Variants in ZNF658 observed in about 807,000 individuals in gnomAD.
The protein encoded by ZNF658 is zinc finger protein 658.
In ZNF658, 46 loss-of-function variants were observed where a neutral mutation model predicts 78.0. That is an observed-to-expected ratio of 0.59 (90% CI 0.47 to 0.75). ZNF658 has a LOEUF of 0.75. Among genes scored for constraint, ZNF658 ranks in the 30% least tolerant of loss-of-function variants. The pLI, the probability that ZNF658 is intolerant of heterozygous loss-of-function variation, is 0.00. For missense variants in ZNF658, 785 were observed against 1,189.3 expected, an observed-to-expected ratio of 0.66 and a Z score of 5.00; for synonymous variants, 279 against 408.4, an observed-to-expected ratio of 0.68 and a Z score of 3.82.
chr9:66,902,742 T>G (rs1296593873), intron 1 of ZNF658, among the ~76,000 whole-genome samples: 1 of 152,094 alleles, frequency 6.6e-6, no homozygotes, highest in Non-Finnish European at 1.5e-5. Context: ...CCCAAAAATA[T>G]TGGGCCTGAA....
chr9:66,904,780 G>C (rs1587354149), intron 2 of ZNF658, among the ~76,000 whole-genome samples: 1 of 151,942 alleles, frequency 6.6e-6, no homozygotes, highest in Non-Finnish European at 1.5e-5. Context: ...ATTTCTTATA[G>C]GCAGTCTTGC....
intron 3 of ZNF658, 52 bp downstream of exon 3, chr9:66,908,416 A>G (rs1822132255): frequency 6.2e-7 from 1 of 1,612,314 alleles, no homozygotes; most frequent in Admixed American, 1.7e-5. Context: ...CCCTTTTTAA[A>G]AAGTATCAAA....
At chr9:66,910,793 C>A (rs1822197712) in intron 4 of ZNF658, among the ~76,000 whole-genome samples, 1 of 90,102 alleles carries the variant, frequency 1.1e-5, no homozygotes, top group Non-Finnish European at 2.2e-5. Flanking sequence ...GAGACTCAGT[C>A]CCAAAAAATT....
chr9:66,911,379 CA>C (rs1488036526), intron 4 of ZNF658, among the ~76,000 whole-genome samples: 1 of 72,466 alleles, frequency 1.4e-5, no homozygotes, highest in African/African-American at 7.6e-5. Flanking sequence ...AAACAATATA[CA>C]AAAAAGTGTA....
chr9:66,918,775 G>C lies in ZNF658; in HGVS notation c.1209G>C (p.Gln403His), dbSNP rs1311758780. The change falls in exon 5 of 5, where the codon CAG becomes CAC. Residue 403 changes from glutamine (Q) to histidine (H), a missense_variant. By Grantham distance (24) the Gln-to-His change is conservative (BLOSUM62 0). This residue lies in a region of ZNF658 where 393 missense variants were observed against 400.2 expected (regional missense o/e 0.98). Transcript: ENST00000621410. Reference protein sequence around the residue: ...FYRKAHLIQHQRPHSGEKTYQ... With the variant: ...FYRKAHLIQHHRPHSGEKTYQ... The stretch of plus-strand genomic sequence containing the variant: ...GGAAAGCACACCTCATTCAGCATCA[G>C]AGGCCCCACTCAGGAGAGAAAACTT... 3.7e-6 allele frequency: 6 copies of C among 1,613,804 alleles called. No homozygotes were observed. The highest frequency in any genetic ancestry group is 4.2e-6 in the Non-Finnish European group (5 of 1,179,872).
intron 4 of ZNF658, among the ~76,000 whole-genome samples, chr9:66,909,608 G>C (rs939719657): frequency 2.6e-4 from 39 of 151,862 alleles, no homozygotes; most frequent in African/African-American, 7.0e-4. Flanking sequence ...GGGTCATATG[G>C]TATCTGTGTC....
intron 6 of ZNF658, among the ~76,000 whole-genome samples, chr9:66,929,192 T>C (rs1227146347): frequency 1.4e-5 from 2 of 145,586 alleles, no homozygotes; most frequent in South Asian, 2.3e-4. Flanking sequence ...TGCAACTGCA[T>C]TGCCCTTCCC....
In ZNF658 at chr9:66,908,254, A is replaced by T. The variant is rs1564170145; in HGVS notation, c.32A>T (p.Gln11Leu). 1.2e-6 allele frequency: 2 copies of T among 1,614,104 alleles called. No individual in the cohort carries two copies. The highest frequency in any genetic ancestry group is 1.7e-6 in the Non-Finnish European group (2 of 1,179,980). MNMSQASVSF[Q>L]DVTVEFTREE... is the part of the protein sequence containing the mutation. ...TTGTTACAGGCATCAGTGTCATTCCAGGACGTGACTGTGGAATTCACCCGG... is the reference window on the plus strand; with the variant it reads ...TTGTTACAGGCATCAGTGTCATTCCTGGACGTGACTGTGGAATTCACCCGG... Residue 11 changes from glutamine to leucine, a missense_variant, in exon 3 of 5, where the codon CAG (glutamine) becomes CTG (leucine). This residue lies in a region of ZNF658 where 79 missense variants were observed against 96.5 expected (regional missense o/e 0.82). Transcript: ENST00000621410.
intron 3 of ZNF658, 57 bp downstream of exon 3, chr9:66,908,421 A>T (rs1048659322): frequency 1.7e-5 from 27 of 1,611,668 alleles, no homozygotes; most frequent in Non-Finnish European, 2.1e-5. Context: ...TTTAAAAAGT[A>T]TCAAAACACA....
At chr9:66,915,183 G>T (rs1176775852) in intron 4 of ZNF658, among the ~76,000 whole-genome samples, 1 of 151,854 alleles carries the variant, frequency 6.6e-6, no homozygotes, top group Non-Finnish European at 1.5e-5. Context: ...TAGACATTCA[G>T]TTAACATATC....
Position 66,917,910 on chromosome 9 carries a change from G to A in ZNF658, c.344G>A (p.Gly115Glu). 1 of 1,609,648 alleles carries A rather than the reference G, an allele frequency of 6.2e-7. No individual in the cohort carries two copies. The highest frequency in any genetic ancestry group is 8.5e-7 in the Non-Finnish European group (1 of 1,179,332). The change falls in exon 5 of 5, where the codon GGA (glycine) becomes GAA (glutamate). Residue 115 changes from glycine to glutamate, a missense_variant. By Grantham distance (98) the Gly-to-Glu change is moderately conservative. Transcript: ENST00000621410. ...SDADKTLSKE[G>E]QKVLEKPFNL... ...GCTGACAAAACATTGAGTAAAGAAG[G>A]ACAGAAAGTTTTAGAAAAACCATTT... is the stretch of plus-strand genomic sequence containing the variant.
chr9:66,921,965 C>T (rs990238710), downstream of ZNF658, among the ~76,000 whole-genome samples: 2 of 123,420 alleles, frequency 1.6e-5, no homozygotes, highest in Admixed American at 9.0e-5. Context: ...TCTACAGAGG[C>T]AGGCAGGCCT....
chr9:66,925,313 G>A (rs1822575480), downstream of ZNF658, among the ~76,000 whole-genome samples: 1 of 151,608 alleles, frequency 6.6e-6, no homozygotes, highest in South Asian at 2.1e-4. Context: ...CAAGGACCAA[G>A]GGGGCTTATC....
chr9:66,910,878 T>C (rs1822201013), intron 4 of ZNF658, among the ~76,000 whole-genome samples: 1 of 150,856 alleles, frequency 6.6e-6, no homozygotes, highest in Non-Finnish European at 1.5e-5. Context: ...TTCTATATCA[T>C]TCAGATTTGA....
chr9:66,907,839 C>T (rs1184851385), intron 2 of ZNF658, among the ~76,000 whole-genome samples: 4 of 151,902 alleles, frequency 2.6e-5, no homozygotes, highest in African/African-American at 7.3e-5. Flanking sequence ...CTGCTCTACC[C>T]TATATAAAGT....
chr9:66,918,322 T>C lies in ZNF658; in HGVS notation c.756T>C (p.Phe252=). The C allele has an allele frequency of 6.2e-7, 1 of 1,613,902 alleles. No individual in the cohort carries two copies. The highest frequency in any genetic ancestry group is 8.5e-7 in the Non-Finnish European group (1 of 1,179,832). Residue 252 remains phenylalanine, a synonymous_variant, in exon 5 of 5, where the codon TTT becomes TTC. Coordinates refer to ENST00000621410, the MANE Select transcript of ZNF658 (RefSeq NM_033160.7). ...SCKDDEFRKN[F]DKITLFNHMR... is the part of the protein sequence containing the mutation. ...AGGATGATGAATTTAGAAAAAACTT[T>C]GATAAAATCACTTTATTTAACCACA...
In ZNF658 at chr9:66,908,754, A is replaced by G. The variant is rs779858845; in HGVS notation, c.238+20A>G. 2.0e-5 allele frequency: 33 copies of G among 1,610,192 alleles called. No homozygotes were observed. The highest frequency in any genetic ancestry group is 2.6e-5 in the Non-Finnish European group (31 of 1,178,468). ...ACCCAGGTGAGTGGGCATTAACAGA[A>G]GGAGCCCCCTGGGGGTACTTAGTCT... On this transcript the variant is annotated intron_variant, in intron 4 of 4. Coordinates refer to ENST00000621410, the MANE Select transcript of ZNF658 (RefSeq NM_033160.7).
rs138054243 is a variant in ZNF658 at position 66,920,030 on chromosome 9, G to A, written c.2464G>A (p.Gly822Arg). 6.5e-4 allele frequency: 1,053 copies of A among 1,612,784 alleles called. 5 individuals are homozygous for A. Among genetic ancestry groups the A allele is most frequent in the Non-Finnish European group, 8.2e-4 (973 of 1,179,734 alleles). ...CATAGTGCATCAAAGAATTCACACA[G>A]GGGAGAAACCCTATGAATGTAACCA... is the stretch of plus-strand genomic sequence containing the variant. ...ALIVHQRIHT[G>R]EKPYECNQCG... is the part of the protein sequence containing the mutation. The change falls in exon 5 of 5, where the codon GGG becomes AGG. Residue 822 changes from glycine (G) to arginine (R), a missense_variant. Transcript: ENST00000621410.
In ZNF658 at chr9:66,907,374, C is replaced by T. The variant is rs1183004292; in HGVS notation, c.16-864C>T. On this transcript the variant is annotated intron_variant, in intron 2 of 4. Coordinates refer to ENST00000621410, the MANE Select transcript of ZNF658 (RefSeq NM_033160.7). ...TTCCCAGATACCAGTTTTGGCACCACCAAGCAGCTGCTTATTTTGAAATAT... is the reference window on the plus strand; with the variant it reads ...TTCCCAGATACCAGTTTTGGCACCATCAAGCAGCTGCTTATTTTGAAATAT... 2.6e-5 allele frequency among the ~76,000 whole-genome samples: 4 copies of T among 152,014 alleles called. 1 individual carries two copies. Among genetic ancestry groups the T allele is most frequent in the East Asian group, 3.9e-4 (2 of 5,188 alleles).
Sources: gnomAD v4.1 joint callset for allele counts (sites outside exome capture counted in the v4.1 genomes callset) on GRCh38, gnomAD v4.1.1 for gene constraint, gnomAD v4.1.1 regional missense constraint, MANE v1.5 for transcripts, NCBI Gene and HGNC (gene_info 2026-07-23, HGNC 2026-07-21) for gene names.